The following ZNF827 variants were observed in gnomAD, a reference collection of about 807,000 sequenced individuals.
The protein encoded by ZNF827 is zinc finger protein 827.
ZNF827 carries 13 observed loss-of-function variants against 102.4 expected under a neutral mutation model. The ratio of observed to expected loss-of-function variants is 0.13; its 90% CI spans 0.08 to 0.20. The LOEUF (loss-of-function observed/expected upper bound fraction) is 0.20. ZNF827 is among the 10% of genes least tolerant of loss of function. The probability of loss-of-function intolerance (pLI) is 1.00; values close to 1 mark genes in which losing one functional copy is unlikely to be tolerated. For synonymous variants in ZNF827, 523 were observed against 536.2 expected (o/e 0.98, Z 0.34); for missense variants, 1,103 against 1,344.4 (o/e 0.82, Z 2.81).
chr4:145,858,022 AT>A (rs1311166930), intron 5 of ZNF827, among the ~76,000 whole-genome samples: 2 of 152,186 alleles, frequency 1.3e-5, no homozygotes, highest in Admixed American at 6.5e-5. Flanking sequence ...ATTTAACATT[AT>A]TATCCTTTGC....
rs911773421 is a variant in ZNF827, at chr4:145,759,693, T to C, written c.*1923A>G. 6.6e-5 allele frequency: 10 copies of C among 152,184 alleles called. No individual in the cohort carries two copies. The highest frequency in any genetic ancestry group is 1.5e-4 in the Non-Finnish European group (10 of 68,026). The allele number at this position is 152,184 out of a possible 1,614,324, so 9.4% of individuals were successfully genotyped here. On this transcript the variant is annotated 3_prime_UTR_variant, in exon 15 of 15. Transcript: ENST00000508784. ...TTTTCTTCCTTTTATTTTACTTTTT[T>C]TTTTTCAGATGAGAAACAAAAACTA...
At chr4:145,825,426 T>C (rs572097006) in intron 7 of ZNF827, among the ~76,000 whole-genome samples, 77 of 152,320 alleles carry the variant, frequency 5.1e-4, no homozygotes, top group Admixed American at 5.0e-3. Flanking sequence ...TCCATGTGGC[T>C]GCAGCAGGCA....
Position 145,902,909 on chromosome 4 carries a change from T to C in ZNF827, c.350A>G (p.Lys117Arg). Residue 117 changes from lysine to arginine, a missense_variant, in exon 2 of 15, where the codon AAG (lysine) becomes AGG (arginine). By Grantham distance (26) the Lys-to-Arg change is conservative (BLOSUM62 2). This residue lies in a region of ZNF827 where 441 missense variants were observed against 458.6 expected (regional missense o/e 0.96). Coordinates refer to ENST00000508784, the MANE Select transcript of ZNF827 (RefSeq NM_001306215.2). This position sits in a 1 kb window ranked among gnomAD's most constrained non-coding sequence, Gnocchi z 4.3. ...SLCDDDPGSN[K>R]PLSSNLRRLL... ...CCGCCTCAAATTGCTGCTCAGGGGC[T>C]TGTTGGAGCCTGGGTCATCGTCACA... 6 of 1,614,140 alleles carry C rather than the reference T, an allele frequency of 3.7e-6. No individual in the cohort carries two copies. The highest frequency in any genetic ancestry group is 5.1e-6 in the Non-Finnish European group (6 of 1,180,020).
rs2126823489 is a variant in ZNF827 at position 145,885,976 on chromosome 4, A to G, written c.1449T>C (p.Ser483=). 6.2e-7 allele frequency: 1 copy of G among 1,614,062 alleles called. No homozygotes were observed. Among genetic ancestry groups the G allele is most frequent in the African/African-American group, 1.3e-5 (1 of 75,052 alleles). Residue 483 remains serine (S), a synonymous_variant, in exon 4 of 15, where the codon AGT becomes AGC. Coordinates refer to ENST00000508784, the MANE Select transcript of ZNF827 (RefSeq NM_001306215.2). ...DVKGSPHLSD[S]ACLGQQREGG... ...CTTCCCTTTGCTGCCCCAGGCAGGC[A>G]CTGTCACTGAGGTGGGGAGATCCCT...
intron 1 of ZNF827, among the ~76,000 whole-genome samples, chr4:145,931,641 A>G (rs1337895446): frequency 6.6e-6 from 1 of 152,140 alleles, no homozygotes; most frequent in Non-Finnish European, 1.5e-5. Flanking sequence ...CCAATACATC[A>G]CTCAGAATGG....
intron 5 of ZNF827, among the ~76,000 whole-genome samples, chr4:145,863,760 C>A (rs1275010849): frequency 6.6e-6 from 1 of 152,048 alleles, no homozygotes; most frequent in Non-Finnish European, 1.5e-5. Flanking sequence ...GACTGCTGCT[C>A]ATGGGCTCGA....
intron 4 of ZNF827, among the ~76,000 whole-genome samples, chr4:145,884,087 T>A (rs912665361): frequency 6.6e-6 from 1 of 152,144 alleles, no homozygotes; most frequent in African/African-American, 2.4e-5. Flanking sequence ...GAGAAGCCAG[T>A]GTTCTTTAGA....
intron 7 of ZNF827, chr4:145,832,873 C>T (rs927791513): frequency 6.6e-6 from 1 of 152,302 alleles, no homozygotes; most frequent in African/African-American, 2.4e-5. Flanking sequence ...CTACCCAAAT[C>T]CTATAAAACG....
chr4:145,849,700 T>C (rs1746335901), intron 5 of ZNF827, 139 bp from the exon 6 acceptor site: 3 of 1,354,666 alleles, frequency 2.2e-6, no homozygotes, highest in African/African-American at 1.5e-5. Context: ...CACTGGACCA[T>C]AGTTTGAAAA....
At chr4:145,779,864 CA>C in intron 8 of ZNF827, among the ~76,000 whole-genome samples, 1 of 152,278 alleles carries the variant, frequency 6.6e-6, no homozygotes, top group Non-Finnish European at 1.5e-5. Flanking sequence ...GTTAAAATTC[CA>C]GAAATGTAGG....
At chr4:145,868,453 C>T (rs772948524) in intron 5 of ZNF827, among the ~76,000 whole-genome samples, 3 of 152,156 alleles carry the variant, frequency 2.0e-5, no homozygotes, top group Non-Finnish European at 2.9e-5. Context: ...GGAAACAGGA[C>T]GTCATCCATT....
At chr4:145,788,621 T>C (rs1579190258) in intron 8 of ZNF827, among the ~76,000 whole-genome samples, 1 of 152,214 alleles carries the variant, frequency 6.6e-6, no homozygotes, top group South Asian at 2.1e-4. Flanking sequence ...AGGACTGTTG[T>C]ACTGAACAGC....
intron 3 of ZNF827, among the ~76,000 whole-genome samples, chr4:145,888,683 G>A (rs1382798039): frequency 2.0e-5 from 3 of 152,200 alleles, no homozygotes; most frequent in African/African-American, 4.8e-5. Context: ...CTGACTCTCG[G>A]TCAGTTTCCT....
chr4:145,858,523 T>C (rs1420523616), intron 5 of ZNF827, among the ~76,000 whole-genome samples: 2 of 151,786 alleles, frequency 1.3e-5, no homozygotes, highest in African/African-American at 4.8e-5. Flanking sequence ...ATGCCTGTAG[T>C]CCCAGCTACT....
At chr4:145,826,109 G>A (rs1220986253) in intron 7 of ZNF827, among the ~76,000 whole-genome samples, 2 of 152,194 alleles carry the variant, frequency 1.3e-5, no homozygotes, top group Non-Finnish European at 2.9e-5. Flanking sequence ...ATTCGGATCC[G>A]TTCATGCCAG....
intron 8 of ZNF827, among the ~76,000 whole-genome samples, chr4:145,792,832 T>G (rs955355372): frequency 3.9e-5 from 6 of 152,116 alleles, no homozygotes; most frequent in Non-Finnish European, 1.5e-5. Context: ...TAAATTAAAT[T>G]AAAAAATCAA....
intron 11 of ZNF827, among the ~76,000 whole-genome samples, chr4:145,768,891 A>AAAAAAC (rs1735774799): frequency 8.6e-5 from 1 of 11,612 alleles, no homozygotes; most frequent in African/African-American, 2.8e-4. Context: ...AAAAAAAAAA[A>AAAAAAC]TATATATATA....
chr4:145,829,158 T>C (rs911262431), intron 7 of ZNF827, among the ~76,000 whole-genome samples: 8 of 84,522 alleles, frequency 9.5e-5, no homozygotes, highest in Non-Finnish European at 2.3e-4. Context: ...AAGAAACAGA[T>C]TTTTTTTCTA....
chr4:145,812,817 C>T (rs917582169), intron 8 of ZNF827, among the ~76,000 whole-genome samples: 1 of 152,144 alleles, frequency 6.6e-6, no homozygotes, highest in African/African-American at 2.4e-5. Flanking sequence ...TGTGAGCCAC[C>T]ACGCCTGACC....
Sources: allele counts gnomAD v4.1 joint callset (sites outside exome capture counted in the v4.1 genomes callset), GRCh38; gene constraint gnomAD v4.1.1; regional missense constraint gnomAD v4.1.1; non-coding constraint Gnocchi (gnomAD v3.1); transcripts MANE v1.5; gene names NCBI Gene and HGNC (gene_info 2026-07-23, HGNC 2026-07-21).